The following NOL4 variants were observed in gnomAD, a reference collection of about 807,000 sequenced individuals.
NOL4 encodes nucleolar protein 4.
A neutral mutation model predicts 75.9 loss-of-function variants in NOL4; 17 were observed. The ratio of observed to expected loss-of-function variants is 0.22; its 90% confidence interval spans 0.15 to 0.34. The LOEUF (loss-of-function observed/expected upper bound fraction) is 0.34. Ranked by LOEUF, NOL4 falls within the 10% of genes least tolerant of loss-of-function variation. The pLI, the probability that NOL4 is intolerant of heterozygous loss-of-function variation, is 1.00. For missense variants in NOL4, 614 were observed against 793.5 expected (o/e 0.77, Z 2.72); for synonymous variants, 292 against 289.9 (o/e 1.01, Z -0.07).
chr18:34,019,337 G>A lies in NOL4; in HGVS notation c.1037C>T (p.Ala346Val), dbSNP rs1034411728. 15 of 1,612,798 alleles carry A rather than the reference G, an allele frequency of 9.3e-6. No homozygotes were observed. Among genetic ancestry groups the A allele is most frequent in the African/African-American group, 2.7e-5 (2 of 74,770 alleles). The change falls in exon 6 of 11, where the codon GCG (alanine) becomes GTG (valine). Residue 346 changes from alanine (A) to valine (V), a missense_variant. Ala to Val is a moderately conservative substitution (Grantham distance 64). Coordinates refer to ENST00000261592, the MANE Select transcript of NOL4 (RefSeq NM_003787.5). Reference protein sequence around the residue: ...LISDLKMEREARENGSKSPAH... With the variant: ...LISDLKMEREVRENGSKSPAH... ...TCATACCTTGCTTCCATTTTCTCTCGCCTCTCGTTCCATCTTGAGGTCAGA... is the reference window on the plus strand; with the variant it reads ...TCATACCTTGCTTCCATTTTCTCTCACCTCTCGTTCCATCTTGAGGTCAGA...
intron 1 of NOL4, among the ~76,000 whole-genome samples, chr18:34,219,360 CA>C (rs1203800439): frequency 6.6e-6 from 1 of 152,120 alleles, no homozygotes; most frequent in African/African-American, 2.4e-5. Flanking sequence ...ATGAGCTTAC[CA>C]AATTCCTAAT....
chr18:34,141,248 G>T (rs1251779071), intron 1 of NOL4, among the ~76,000 whole-genome samples: 10 of 152,092 alleles, frequency 6.6e-5, no homozygotes, highest in African/African-American at 9.7e-5. Context: ...CATGAAAATG[G>T]CCATACTGCC....
chr18:33,945,177 C>T (rs2145596951), intron 8 of NOL4, among the ~76,000 whole-genome samples: 1 of 151,900 alleles, frequency 6.6e-6, no homozygotes. Flanking sequence ...AAAATATCAG[C>T]AACCATCCTT....
chr18:34,149,136 C>G (rs1312037712), intron 1 of NOL4, among the ~76,000 whole-genome samples: 2 of 151,462 alleles, frequency 1.3e-5, no homozygotes, highest in Admixed American at 1.3e-4. Context: ...TGTGATAGAG[C>G]AGTAAATTCC....
At chr18:33,859,072 C>T (rs2062969988) in intron 10 of NOL4, among the ~76,000 whole-genome samples, 1 of 151,808 alleles carries the variant, frequency 6.6e-6, no homozygotes, top group African/African-American at 2.4e-5. Context: ...GCTGCTTTTG[C>T]CTTTGTTAGT....
intron 9 of NOL4, among the ~76,000 whole-genome samples, chr18:33,884,851 A>G (rs1209231413): frequency 6.6e-6 from 1 of 152,106 alleles, no homozygotes; most frequent in East Asian, 1.9e-4. Flanking sequence ...GAATACTATG[A>G]CCATCTATAT....
rs140472868 is a variant in NOL4 at position 33,987,566 on chromosome 18, G to A, written c.1057-29148C>T. On this transcript the variant is annotated intron_variant, in intron 6 of 10. Transcript: ENST00000261592. ...TGATCCTTTGCAGCACACAATGTGT[G>A]TTTGGATTTAGAATCTGTGATAATC... 2.6e-5 allele frequency among the ~76,000 whole-genome samples: 4 copies of A among 152,234 alleles called. No individual in the cohort carries two copies. In the East Asian group the frequency reaches 7.8e-4, roughly 30 times the overall value.
At chr18:34,062,507 C>T (rs950133567) in intron 5 of NOL4, among the ~76,000 whole-genome samples, 23 of 152,156 alleles carry the variant, frequency 1.5e-4, no homozygotes, top group Admixed American at 1.5e-3. Flanking sequence ...TACAGTATGA[C>T]CCTTTCTTCA....
intron 5 of NOL4, among the ~76,000 whole-genome samples, chr18:34,093,229 G>T (rs2078610336): frequency 6.6e-6 from 1 of 152,108 alleles, no homozygotes; most frequent in Admixed American, 6.5e-5. Flanking sequence ...GAATTAACTT[G>T]AATTTTATAA....
intron 2 of NOL4, among the ~76,000 whole-genome samples, chr18:34,126,352 C>CTA (rs1370876374): frequency 2.0e-5 from 3 of 152,078 alleles, no homozygotes; most frequent in Non-Finnish European, 4.4e-5. Flanking sequence ...TTCCTTTTAG[C>CTA]TATAGCATAT....
chr18:34,144,973 A>G (rs2081338704), intron 1 of NOL4, among the ~76,000 whole-genome samples: 1 of 152,100 alleles, frequency 6.6e-6, no homozygotes. Flanking sequence ...AGAAATAACC[A>G]TTATGGAGTA....
At chr18:33,860,442 G>T (rs1262662691) in intron 10 of NOL4, among the ~76,000 whole-genome samples, 1 of 152,146 alleles carries the variant, frequency 6.6e-6, no homozygotes, top group Non-Finnish European at 1.5e-5. Flanking sequence ...CTAGGAGTTT[G>T]TGCAAGTTAG....
chr18:33,880,657 A>G lies in NOL4; in HGVS notation c.1723+2587T>C, dbSNP rs117284786. On this transcript the variant is annotated intron_variant, in intron 10 of 10. Coordinates refer to ENST00000261592, the MANE Select transcript of NOL4 (RefSeq NM_003787.5). ...GTGTTGTTTCATTTTGTATGTTCTT[A>G]GTTATGACTGTGTATGTTTCATGAA... 4.7e-3 allele frequency among the ~76,000 whole-genome samples: 709 copies of G among 152,148 alleles called. 20 individuals are homozygous for G. The East Asian group carries it at 0.084, about 18-fold the overall frequency.
intron 1 of NOL4, among the ~76,000 whole-genome samples, chr18:34,181,939 G>A (rs1452296265): frequency 6.6e-6 from 1 of 151,532 alleles, no homozygotes; most frequent in African/African-American, 2.4e-5. Context: ...GGAGAAATGG[G>A]AACCTCATAA....
At position 33,859,383 on chromosome 18, in the gene NOL4, A is replaced by T. The variant is rs185307062; in HGVS notation, c.1724-6348T>A. ...TGTGAAAGAATATGTATTGTTAGAC[A>T]GTTGGGGGTCAGATTCTAGATATAG... On this transcript the variant is annotated intron_variant, in intron 10 of 10. Coordinates refer to ENST00000261592, the MANE Select transcript of NOL4 (RefSeq NM_003787.5). 1.6e-3 allele frequency among the ~76,000 whole-genome samples: 242 copies of T among 152,280 alleles called. 2 individuals are homozygous for T. The highest frequency in any genetic ancestry group is 3.0e-3 in the Non-Finnish European group (201 of 68,008).
At chr18:34,135,295 G>C (rs988391316) in intron 1 of NOL4, among the ~76,000 whole-genome samples, 1 of 151,922 alleles carries the variant, frequency 6.6e-6, no homozygotes, top group African/African-American at 2.4e-5. Context: ...CAACAAATTA[G>C]AATTAATAAT....
At chr18:34,024,484 C>T (rs2075246687) in intron 5 of NOL4, among the ~76,000 whole-genome samples, 1 of 151,866 alleles carries the variant, frequency 6.6e-6, no homozygotes, top group Non-Finnish European at 1.5e-5. Context: ...CCTTTGAAAT[C>T]TAATTGCAAA....
At chr18:34,163,324 T>C (rs543137520) in intron 1 of NOL4, among the ~76,000 whole-genome samples, 82 of 151,810 alleles carry the variant, frequency 5.4e-4, no homozygotes, top group Non-Finnish European at 1.0e-3. Context: ...GATGACATGA[T>C]TGTATATCTA....
intron 1 of NOL4, chr18:34,158,720 C>T (rs552277881): frequency 6.6e-6 from 1 of 152,322 alleles, no homozygotes; most frequent in South Asian, 2.1e-4. Flanking sequence ...AGGGATTCTA[C>T]ATATCTGCTG....
Sources: allele counts gnomAD v4.1 joint callset (sites outside exome capture counted in the v4.1 genomes callset), GRCh38; gene constraint gnomAD v4.1.1; transcripts MANE v1.5; gene names NCBI Gene and HGNC (gene_info 2026-07-23, HGNC 2026-07-21).